PPL: variants seen among roughly 807,000 people sequenced by gnomAD.
The protein encoded by PPL is periplakin, also known as 190 kDa paraneoplastic pemphigus antigen.
PPL carries 198 observed loss-of-function variants against 194.4 expected under a neutral mutation model. That is an observed-to-expected ratio of 1.02 (90% CI 0.91 to 1.15). The LOEUF (loss-of-function observed/expected upper bound fraction) is 1.15, where lower values mean the gene tolerates loss of function less well. PPL is among the 50% of genes most tolerant of loss of function. PPL has a pLI of 0.00. For synonymous variants in PPL, 1,220 were observed against 972.4 expected (o/e 1.25, Z -4.74); for missense variants, 2,885 against 2,294.8 (o/e 1.26, Z -5.25).
intron 1 of PPL, among the ~76,000 whole-genome samples, chr16:4,917,008 T>C (rs908884354): frequency 1.3e-5 from 2 of 152,088 alleles, no homozygotes; most frequent in African/African-American, 4.8e-5. Flanking sequence ...GGTATGTGCC[T>C]GTAATCCCAT....
At chr16:4,909,369 C>G (rs1467677268) in intron 2 of PPL, among the ~76,000 whole-genome samples, 1 of 151,574 alleles carries the variant, frequency 6.6e-6, no homozygotes, top group South Asian at 2.1e-4. Flanking sequence ...GCCGGGTAGA[C>G]CTTGACCTCC....
chr16:4,884,125 G>A lies in PPL; in HGVS notation c.4530C>T (p.Gly1510=), dbSNP rs775010669. The A allele has an allele frequency of 5.0e-6, 8 of 1,612,812 alleles. No individual in the cohort carries two copies. The East Asian group carries it at 6.7e-5, about 13-fold the overall frequency. Residue 1510 remains glycine, a synonymous_variant, in exon 22 of 22, where the codon GGC becomes GGT. Transcript: ENST00000345988. The surrounding 1 kb of genome is among the most constrained non-coding windows in gnomAD (Gnocchi z 5.7). The part of the protein sequence containing the change: ...VLSESVQVEK[G]DTEQEIQRLK... ...GCCTCTGGATCTCTTGCTCGGTGTCGCCCTTCTCCACCTGGACACTCTCGG... is the reference window on the plus strand; with the variant it reads ...GCCTCTGGATCTCTTGCTCGGTGTCACCCTTCTCCACCTGGACACTCTCGG...
At position 4,888,108 on chromosome 16, in the gene PPL, C is replaced by A; in HGVS notation, c.2508G>T (p.Lys836Asn). 6.2e-7 allele frequency: 1 copy of A among 1,612,554 alleles called. No homozygotes were observed. Residue 836 changes from lysine (K) to asparagine (N), a missense_variant, in exon 20 of 22, where the codon AAG (lysine) becomes AAT (asparagine). Coordinates refer to ENST00000345988, the MANE Select transcript of PPL (RefSeq NM_002705.5). ...CCTGGCCCATGGAACTCACCTCTTC[C>A]TTCACTTTGGTGGCAGGAGATTGGA... ...ARLQSPATKV[K>N]EEEAALAAKF...
At chr16:4,911,411 C>T (rs2088817956) in intron 1 of PPL, among the ~76,000 whole-genome samples, 1 of 152,128 alleles carries the variant, frequency 6.6e-6, no homozygotes, top group African/African-American at 2.4e-5. Flanking sequence ...ATCCACCTAT[C>T]TTGGCCTCCC....
At chr16:4,900,635 A>G (rs1030684859) in intron 6 of PPL, among the ~76,000 whole-genome samples, 195 bp downstream of exon 6, 4 of 151,580 alleles carry the variant, frequency 2.6e-5, no homozygotes, top group Admixed American at 6.6e-5. Context: ...CTGGAGTCTC[A>G]CTATGTTGCC....
chr16:4,923,269 G>C (rs1373715733), intron 1 of PPL, among the ~76,000 whole-genome samples: 1 of 152,182 alleles, frequency 6.6e-6, no homozygotes, highest in Non-Finnish European at 1.5e-5. Flanking sequence ...GCCTCACCTT[G>C]ATCAAAGTCA....
chr16:4,888,570 A>T (rs970384381), intron 19 of PPL: 1 of 297,568 alleles, frequency 3.4e-6, no homozygotes, highest in African/African-American at 2.1e-5. Context: ...TCTCATGTTT[A>T]CCAGCTTGCT....
At chr16:4,901,676 G>A (rs2088573891) in intron 4 of PPL, among the ~76,000 whole-genome samples, 2 of 150,334 alleles carry the variant, frequency 1.3e-5, no homozygotes, top group African/African-American at 4.9e-5. Context: ...GAGACAGAGT[G>A]AGACCTTGTG....
chr16:4,910,956 G>T lies in PPL; in HGVS notation c.63-7C>A. 6.2e-7 allele frequency: 1 copy of T among 1,610,202 alleles called. No homozygotes were observed. The highest frequency in any genetic ancestry group is 8.5e-7 in the Non-Finnish European group (1 of 1,179,326). The stretch of plus-strand genomic sequence containing the variant: ...GAGCTCCTTGTTAGAGATGCTGCGG[G>T]CAGAAGCCGAGGGGAGATGGGCGGG... On this transcript the variant is annotated splice_polypyrimidine_tract_variant and splice_region_variant and intron_variant, in intron 1 of 21. Coordinates refer to ENST00000345988, the MANE Select transcript of PPL (RefSeq NM_002705.5).
chr16:4,921,100 T>G (rs2089041145), intron 1 of PPL, among the ~76,000 whole-genome samples: 1 of 152,194 alleles, frequency 6.6e-6, no homozygotes, highest in Non-Finnish European at 1.5e-5. Context: ...TTCCCTAGCT[T>G]TTTCCTTCTG....
intron 1 of PPL, among the ~76,000 whole-genome samples, chr16:4,920,305 G>A (rs12929696): frequency 3.2e-4 from 9 of 27,770 alleles, no homozygotes; most frequent in Admixed American, 5.0e-4. Flanking sequence ...AAAGAAAGAA[G>A]GAAAGAAGGA....
At position 4,937,069 on chromosome 16, in the gene PPL, C is replaced by A; in HGVS notation, c.-24G>T. ...ATGGTGGCGCTCGGGGTGCGGGCGG[C>A]GGCGGCTGGCGGGCCGGGCGCGCAC... On this transcript the variant is annotated 5_prime_UTR_variant, in exon 1 of 22. Transcript: ENST00000345988. 8 of 1,352,990 alleles carry A rather than the reference C, an allele frequency of 5.9e-6. No homozygotes were observed. Among genetic ancestry groups the A allele is most frequent in the Non-Finnish European group, 7.7e-6 (8 of 1,044,792 alleles). 83.8% of individuals were successfully genotyped at this position (1,352,990 alleles called of 1,614,324 possible).
intron 1 of PPL, among the ~76,000 whole-genome samples, chr16:4,927,962 T>A (rs926813066): frequency 3.3e-5 from 5 of 152,244 alleles, no homozygotes; most frequent in Non-Finnish European, 5.9e-5. Flanking sequence ...TAAAATTAGC[T>A]GGGCATGGTT....
chr16:4,901,808 C>T (rs911621120), intron 4 of PPL, among the ~76,000 whole-genome samples: 3 of 151,408 alleles, frequency 2.0e-5, no homozygotes, highest in Non-Finnish European at 2.9e-5. Context: ...GGTATGATGG[C>T]GTGCACCTGT....
rs999510574 is a variant in PPL, at chr16:4,884,462, T to C, written c.4193A>G (p.Glu1398Gly). The C allele has an allele frequency of 3.7e-6, 6 of 1,602,400 alleles. No individual in the cohort carries two copies. The African/African-American group carries it at 8.1e-5, about 22-fold the overall frequency. Residue 1398 changes from glutamate to glycine, a missense_variant, in exon 22 of 22, where the codon GAG becomes GGG. Glu to Gly is a moderately conservative substitution (Grantham distance 98, BLOSUM62 -2). Coordinates refer to ENST00000345988, the MANE Select transcript of PPL (RefSeq NM_002705.5). This position sits in a 1 kb window ranked among gnomAD's most constrained non-coding sequence, Gnocchi z 5.7. ...TAGCTCCTCCAGCTGCCGCTCAAGCTCGGTGCGCCGGCGCTGCAGCCGCCG... is the reference window on the plus strand; with the variant it reads ...TAGCTCCTCCAGCTGCCGCTCAAGCCCGGTGCGCCGGCGCTGCAGCCGCCG... ...ELRRLQRRRT[E>G]LERQLEELER...
intron 1 of PPL, among the ~76,000 whole-genome samples, chr16:4,916,464 G>C (rs374612305): frequency 2.7e-5 from 4 of 150,668 alleles, no homozygotes; most frequent in African/African-American, 9.8e-5. Flanking sequence ...CACTTGCCTT[G>C]GCCTCCCAAA....
Position 4,885,062 on chromosome 16 carries a change from T to C in PPL, c.3593A>G (p.Gln1198Arg). The C allele has an allele frequency of 6.2e-7, 1 of 1,613,750 alleles. No homozygotes were observed. The highest frequency in any genetic ancestry group is 8.5e-7 in the Non-Finnish European group (1 of 1,180,040). ...VANLRLELVE[Q>R]ERKYRGAEEQ... ...CTCGGCACCCCGGTACTTTCGCTCC[T>C]GCTCCACAAGCTCCAGGCGGAGGTT... Residue 1198 changes from glutamine to arginine, a missense_variant, in exon 22 of 22, where the codon CAG (glutamine) becomes CGG (arginine). By Grantham distance (43) the Gln-to-Arg change is conservative (BLOSUM62 1). Coordinates refer to ENST00000345988, the MANE Select transcript of PPL (RefSeq NM_002705.5). The surrounding 1 kb of genome is among the most constrained non-coding windows in gnomAD (Gnocchi z 6.3).
chr16:4,929,100 G>A (rs1056145736), intron 1 of PPL, among the ~76,000 whole-genome samples: 7 of 149,924 alleles, frequency 4.7e-5, no homozygotes, highest in African/African-American at 1.2e-4. Context: ...CACTTGGAAC[G>A]AGAGCTGAGG....
intron 1 of PPL, among the ~76,000 whole-genome samples, chr16:4,919,029 G>A (rs1387748721): frequency 1.3e-5 from 2 of 152,200 alleles, no homozygotes; most frequent in African/African-American, 4.8e-5. Context: ...ACAGACAGCA[G>A]CCACCTGCCT....
Sources: allele counts gnomAD v4.1 joint callset (sites outside exome capture counted in the v4.1 genomes callset), GRCh38; gene constraint gnomAD v4.1.1; non-coding constraint Gnocchi (gnomAD v3.1); transcripts MANE v1.5; gene names NCBI Gene and HGNC (gene_info 2026-07-23, HGNC 2026-07-21).